UROS: variants seen among roughly 807,000 people sequenced by gnomAD.
UROS encodes uroporphyrinogen III synthase, also known as uroporphyrinogen-III synthase.
UROS carries 18 observed loss-of-function variants against 33.0 expected under a neutral mutation model. The ratio of observed to expected loss-of-function variants is 0.55; its 90% CI spans 0.38 to 0.81. UROS has a LOEUF of 0.81. UROS is among the 30% of genes least tolerant of loss of function. The pLI is 0.00. For synonymous variants in UROS, 114 were observed against 121.1 expected (o/e 0.94, Z 0.38); for missense variants, 293 against 314.9 (o/e 0.93, Z 0.53).
intron 6 of UROS, among the ~76,000 whole-genome samples, chr10:125,798,468 C>T (rs1345270108): frequency 3.9e-5 from 6 of 152,198 alleles, no homozygotes; most frequent in Non-Finnish European, 7.3e-5. Context: ...ATTTAGAAGG[C>T]AGACTTTGCA....
chr10:125,809,160 A>G (rs1852587711), intron 5 of UROS, among the ~76,000 whole-genome samples: 1 of 151,898 alleles, frequency 6.6e-6, no homozygotes, highest in Non-Finnish European at 1.5e-5. Context: ...CCAGGCTGGT[A>G]CAGTCTTTCT....
chr10:125,813,252 G>A (rs1302761288), intron 4 of UROS, among the ~76,000 whole-genome samples: 1 of 152,126 alleles, frequency 6.6e-6, no homozygotes, highest in Non-Finnish European at 1.5e-5. Flanking sequence ...GTCAGTTAAC[G>A]CACCTCGTCT....
intron 6 of UROS, chr10:125,802,436 T>G: frequency 1.0e-6 from 1 of 986,432 alleles, no homozygotes; most frequent in Non-Finnish European, 1.2e-6. Context: ...TCTGGAACAT[T>G]CCACAGAAAG....
chr10:125,794,344 C>T (rs546806125), intron 9 of UROS: 1 of 996,924 alleles, frequency 1.0e-6, no homozygotes, highest in Admixed American at 5.6e-5. Context: ...GGGTCACATC[C>T]TGCACCCTCT....
chr10:125,807,292 AT>A, intron 6 of UROS, 120 bp downstream of exon 6: 2 of 868,922 alleles, frequency 2.3e-6, no homozygotes, highest in Non-Finnish European at 1.9e-6. Context: ...GGGTTATACG[AT>A]GCTCACCAAT....
rs980544448 is a variant in UROS at position 125,798,006 on chromosome 10, G to A, written c.475+59C>T. 2.5e-6 allele frequency: 4 copies of A among 1,598,202 alleles called. No homozygotes were observed. The African/African-American group carries it at 4.0e-5, about 16-fold the overall frequency. On this transcript the variant is annotated intron_variant, in intron 7 of 9. Transcript: ENST00000368797. Reference sequence around the variant, plus strand: ...TGCAGGGCCACCCACTTCTATCACTGCAAAGGCTCCTGGTGGATCCCAAAG... The same window carrying A: ...TGCAGGGCCACCCACTTCTATCACTACAAAGGCTCCTGGTGGATCCCAAAG...
At chr10:125,818,784 T>C (rs1701325900) in intron 1 of UROS, among the ~76,000 whole-genome samples, 1 of 152,156 alleles carries the variant, frequency 6.6e-6, no homozygotes, top group Admixed American at 6.5e-5. Context: ...CATTGTTGGC[T>C]TTTTTGATGG....
At chr10:125,800,805 G>C (rs963642769) in intron 6 of UROS, among the ~76,000 whole-genome samples, 2 of 151,994 alleles carry the variant, frequency 1.3e-5, no homozygotes, top group African/African-American at 4.8e-5. Context: ...CCTGACTTCA[G>C]GTGATCCACC....
intron 4 of UROS, among the ~76,000 whole-genome samples, chr10:125,812,570 T>C (rs574636952): frequency 6.6e-6 from 1 of 152,278 alleles, no homozygotes; most frequent in Admixed American, 6.5e-5. Context: ...AACCACGAAA[T>C]CAACATAACT....
intron 1 of UROS, among the ~76,000 whole-genome samples, chr10:125,820,419 T>G (rs1853771427): frequency 6.6e-6 from 1 of 152,194 alleles, no homozygotes; most frequent in South Asian, 2.1e-4. Flanking sequence ...TTCTTTGGCT[T>G]TTTGTTCTAT....
intron 6 of UROS, among the ~76,000 whole-genome samples, 197 bp from the exon 7 acceptor site, chr10:125,798,342 A>G (rs1354261751): frequency 6.6e-6 from 1 of 152,160 alleles, no homozygotes; most frequent in Non-Finnish European, 1.5e-5. Context: ...TTATATGAAG[A>G]TCATAAGAGG....
At chr10:125,795,148 C>G (rs553260920) in intron 8 of UROS, 170 bp from the exon 9 acceptor site, 2 of 680,964 alleles carry the variant, frequency 2.9e-6, no homozygotes, top group Non-Finnish European at 5.3e-6. Flanking sequence ...AGGCAGGATT[C>G]TGGTAGGGAA....
intron 3 of UROS, 121 bp downstream of exon 3, chr10:125,816,056 T>C (rs1853291315): frequency 2.9e-6 from 3 of 1,046,078 alleles, no homozygotes; most frequent in Middle Eastern, 2.0e-4. Context: ...GGTGAAGTTA[T>C]GCTGCCATGT....
At chr10:125,798,849 A>C (rs560169451) in intron 6 of UROS, among the ~76,000 whole-genome samples, 43 of 152,390 alleles carry the variant, frequency 2.8e-4, no homozygotes, top group African/African-American at 1.0e-3. Flanking sequence ...AGGACAGCAT[A>C]GGATTTGAAT....
At chr10:125,809,031 T>C (rs946693311) in intron 5 of UROS, among the ~76,000 whole-genome samples, 2 of 152,226 alleles carry the variant, frequency 1.3e-5, no homozygotes, top group African/African-American at 4.8e-5. Context: ...CCAGAGAGTA[T>C]TTTTTATATT....
downstream of UROS, among the ~76,000 whole-genome samples, chr10:125,787,101 CTGT>C (rs1241972554): frequency 6.6e-6 from 1 of 152,272 alleles, no homozygotes; most frequent in Non-Finnish European, 1.5e-5. Context: ...TTCGCCAGAA[CTGT>C]TAATAGCCTC....
At chr10:125,812,145 TA>T in intron 5 of UROS, 68 bp downstream of exon 5, 1 of 1,448,296 alleles carries the variant, frequency 6.9e-7, no homozygotes, top group East Asian at 2.3e-5. Flanking sequence ...TAAACTGAGT[TA>T]AACTGTTTTT....
chr10:125,822,386 G>A (rs1202164462), intron 1 of UROS, among the ~76,000 whole-genome samples: 3 of 149,756 alleles, frequency 2.0e-5, no homozygotes, highest in Admixed American at 6.6e-5. Flanking sequence ...GCGGTGGCGC[G>A]ATCTCGGCTC....
chr10:125,815,459 G>A (rs1393104429), intron 3 of UROS, among the ~76,000 whole-genome samples: 1 of 152,166 alleles, frequency 6.6e-6, no homozygotes, highest in Non-Finnish European at 1.5e-5. Context: ...TGGGGTGCAG[G>A]TAGTGGGGGA....
Sources: gnomAD v4.1 joint callset for allele counts (sites outside exome capture counted in the v4.1 genomes callset) on GRCh38, gnomAD v4.1.1 for gene constraint, MANE v1.5 for transcripts, NCBI Gene and HGNC (gene_info 2026-07-23, HGNC 2026-07-21) for gene names.